Variants in RABIF observed in about 807,000 individuals in gnomAD.
RABIF encodes guanine nucleotide exchange factor MSS4.
In RABIF, 13 loss-of-function variants were observed where a neutral mutation model predicts 12.3. The ratio of observed to expected loss-of-function variants is 1.06; its 90% CI spans 0.69 to 1.68. RABIF has a LOEUF of 1.68. Among genes scored for constraint, RABIF ranks in the 40% most tolerant of loss-of-function variants. RABIF has a pLI of 0.00. For missense variants in RABIF, 153 were observed against 158.0 expected, an observed-to-expected ratio of 0.97 and a Z score of 0.17; for synonymous variants, 70 against 63.3, an observed-to-expected ratio of 1.11 and a Z score of -0.50.
rs1025244061 is a variant in RABIF at position 202,878,525 on chromosome 1, T to C, written c.*2453A>G. Among the ~76,000 whole-genome samples the C allele has an allele frequency of 1.3e-5, 2 of 152,224 alleles. No homozygotes were observed. Among genetic ancestry groups the C allele is most frequent in the Non-Finnish European group, 2.9e-5 (2 of 68,042 alleles). On this transcript the variant is annotated 3_prime_UTR_variant, in exon 2 of 2. Coordinates refer to ENST00000367262, the MANE Select transcript of RABIF (RefSeq NM_002871.5). ...GTAGTCCAAAGGACCTATCCACCATTATCAGAAGCAGAAGTCCTCATAGTT... is the reference window on the plus strand; with the variant it reads ...GTAGTCCAAAGGACCTATCCACCATCATCAGAAGCAGAAGTCCTCATAGTT...
At chr1:202,882,249 T>C (rs1291781496) in intron 1 of RABIF, among the ~76,000 whole-genome samples, 1 of 152,140 alleles carries the variant, frequency 6.6e-6, no homozygotes, top group Non-Finnish European at 1.5e-5. Flanking sequence ...GCTGTGGTAG[T>C]GCACACCTGT....
chr1:202,880,704 A>C lies in RABIF; in HGVS notation c.*274T>G. On this transcript the variant is annotated 3_prime_UTR_variant, in exon 2 of 2. Transcript: ENST00000367262. ...CAGAGCCTAGGGAGAATGCCAGGGA[A>C]GAGATGAGATTTTTGGAGGTAAGCA... 4 of 1,165,320 alleles carry C rather than the reference A, an allele frequency of 3.4e-6. No homozygotes were observed. Among genetic ancestry groups the C allele is most frequent in the Admixed American group, 4.0e-5 (1 of 25,274 alleles). The allele number at this position is 1,165,320 out of a possible 1,614,324, so 72.2% of individuals were successfully genotyped here.
chr1:202,882,224 C>T (rs2102395853), intron 1 of RABIF, among the ~76,000 whole-genome samples: 1 of 152,076 alleles, frequency 6.6e-6, no homozygotes, highest in South Asian at 2.1e-4. Flanking sequence ...CTACAAAAAA[C>T]ACAAAAATTA....
At chr1:202,884,529 T>C (rs574092186) in intron 1 of RABIF, among the ~76,000 whole-genome samples, 10 of 152,250 alleles carry the variant, frequency 6.6e-5, no homozygotes, top group African/African-American at 2.2e-4. Flanking sequence ...CCACTTCTCA[T>C]GGGACACTTG....
rs1659450168 is a variant in RABIF, at chr1:202,879,002, AGGCAGAATAGCAACCT to A, written c.*1960_*1975del. On this transcript the variant is annotated 3_prime_UTR_variant, in exon 2 of 2. Transcript: ENST00000367262. ...TTATTTCTTTCAGATCAAACTGAAAAGGCAGAATAGCAACCTGATATTTTTGGCTACTAGGGCAACA... is the reference window on the plus strand; with the variant it reads ...TTATTTCTTTCAGATCAAACTGAAAAGATATTTTTGGCTACTAGGGCAACA... 6.6e-6 allele frequency: 1 copy of A among 152,214 alleles called. No homozygotes were observed. The highest frequency in any genetic ancestry group is 1.5e-5 in the Non-Finnish European group (1 of 68,032). 9.4% of individuals were successfully genotyped at this position (152,214 alleles called of 1,614,324 possible). A position where few individuals can be genotyped will look rare whatever the true frequency, so the allele number is the denominator to read the frequency against.
chr1:202,880,313 T>G lies in RABIF; in HGVS notation c.*665A>C, dbSNP rs1388619161. 6.6e-6 allele frequency: 1 copy of G among 152,514 alleles called. No individual in the cohort carries two copies. Among genetic ancestry groups the G allele is most frequent in the Non-Finnish European group, 1.5e-5 (1 of 68,024 alleles). 9.4% of individuals were successfully genotyped at this position (152,514 alleles called of 1,614,324 possible). On this transcript the variant is annotated 3_prime_UTR_variant, in exon 2 of 2. Coordinates refer to ENST00000367262, the MANE Select transcript of RABIF (RefSeq NM_002871.5). ...AGGCTGTAGCAGTGAGGAGCTAATA[T>G]AAAAAGAAACTACAAGATTTCAAGG...
intron 1 of RABIF, among the ~76,000 whole-genome samples, chr1:202,885,317 C>A (rs1051965061): frequency 6.6e-6 from 1 of 152,128 alleles, no homozygotes; most frequent in African/African-American, 2.4e-5. Context: ...ACTCCTAGGC[C>A]CTGGATCACC....
intron 1 of RABIF, among the ~76,000 whole-genome samples, chr1:202,881,616 C>G (rs1659493123): frequency 6.6e-6 from 1 of 152,172 alleles, no homozygotes; most frequent in African/African-American, 2.4e-5. Flanking sequence ...ACCGTGTTAG[C>G]CAGGATGGTC....
At chr1:202,886,745 C>CTTT (rs71142572) in intron 1 of RABIF, among the ~76,000 whole-genome samples, 15 of 147,560 alleles carry the variant, frequency 1.0e-4, no homozygotes, top group Non-Finnish European at 1.5e-4. Context: ...TTTCTTTTTT[C>CTTT]TTTTTTTTTT....
intron 1 of RABIF, 130 bp downstream of exon 1, chr1:202,888,843 G>A (rs899408314): frequency 7.8e-7 from 1 of 1,280,510 alleles, no homozygotes; most frequent in Non-Finnish European, 1.0e-6. Context: ...TGAGGCCCGA[G>A]GGGCGGGGCT....
At position 202,889,047 on chromosome 1, in the gene RABIF, G is replaced by T. The variant is rs375439968; in HGVS notation, c.52C>A (p.Arg18=). ...SELVSAEGRN[R]KAVLCQRCGS... ...CAACGCTGGCACAGCACCGCCTTCC[G>T]GTTTCGGCCCTCGGCTGACACTAAC... The change falls in exon 1 of 2, where the codon CGG becomes AGG. Residue 18 remains arginine, a synonymous_variant. Coordinates refer to ENST00000367262, the MANE Select transcript of RABIF (RefSeq NM_002871.5). The T allele has an allele frequency of 2.4e-4, 381 of 1,610,796 alleles. 1 individual carries two copies. The highest frequency in any genetic ancestry group is 3.1e-4 in the Non-Finnish European group (367 of 1,178,922).
rs1659477884 is a variant in RABIF at position 202,880,859 on chromosome 1, C to T, written c.*119G>A. On this transcript the variant is annotated 3_prime_UTR_variant, in exon 2 of 2. Coordinates refer to ENST00000367262, the MANE Select transcript of RABIF (RefSeq NM_002871.5). ...GCATGTTCAAATGGACATGCTGGTACTCAGTATTTATATTAGCACAGACAA... is the reference window on the plus strand; with the variant it reads ...GCATGTTCAAATGGACATGCTGGTATTCAGTATTTATATTAGCACAGACAA... 1 of 1,513,678 alleles carries T rather than the reference C, an allele frequency of 6.6e-7. No individual in the cohort carries two copies. Among genetic ancestry groups the T allele is most frequent in the East Asian group, 2.3e-5 (1 of 44,034 alleles). 93.8% of individuals were successfully genotyped at this position (1,513,678 alleles called of 1,614,324 possible). A position where few individuals can be genotyped will look rare whatever the true frequency, so the allele number is the denominator to read the frequency against.
At position 202,889,030 on chromosome 1, in the gene RABIF, G is replaced by A. The variant is rs201309128; in HGVS notation, c.69C>T (p.Cys23=). ...AEGRNRKAVL[C]QRCGSRVLQP... ...GCAGCACCCGGGAGCCGCAACGCTG[G>A]CACAGCACCGCCTTCCGGTTTCGGC... Residue 23 remains cysteine (C), a synonymous_variant, in exon 1 of 2, where the codon TGC becomes TGT. Coordinates refer to ENST00000367262, the MANE Select transcript of RABIF (RefSeq NM_002871.5). 657 of 1,608,206 alleles carry A rather than the reference G, an allele frequency of 4.1e-4. 7 individuals carry two copies. In the South Asian group the frequency reaches 6.9e-3, roughly 17 times the overall value.
At position 202,889,108 on chromosome 1, in the gene RABIF, CGCCACAGGCTCCTCA is replaced by C. The variant is rs1659612953; in HGVS notation, c.-25_-11del. Reference sequence around the variant, plus strand: ...GCTCCGCTGGTTCCATCGCCGCTGCCGCCACAGGCTCCTCAGCCACGGCTGCGCAGACGCTGTCTC... The same window carrying C: ...GCTCCGCTGGTTCCATCGCCGCTGCCGCCACGGCTGCGCAGACGCTGTCTC... On this transcript the variant is annotated 5_prime_UTR_variant, in exon 1 of 2. Transcript: ENST00000367262. 10 of 1,600,562 alleles carry C rather than the reference CGCCACAGGCTCCTCA, an allele frequency of 6.2e-6. No individual in the cohort carries two copies. The highest frequency in any genetic ancestry group is 8.5e-6 in the Non-Finnish European group (10 of 1,173,560).
At chr1:202,882,206 C>T (rs779976386) in intron 1 of RABIF, among the ~76,000 whole-genome samples, 2 of 151,972 alleles carry the variant, frequency 1.3e-5, no homozygotes, top group African/African-American at 2.4e-5. Flanking sequence ...ATAGTGAGAC[C>T]CCCATCTCTA....
rs1321105880 is a variant in RABIF, at chr1:202,888,942, G to T, written c.126+31C>A. ...CGGCGGCTCGTCGGGGGAGACTGTG[G>T]GTGTAAACGGCCTCCAACCTGCCTC... On this transcript the variant is annotated intron_variant, in intron 1 of 1. Transcript: ENST00000367262. 2.6e-6 allele frequency: 4 copies of T among 1,514,356 alleles called. 1 individual carries two copies. In the South Asian group the frequency reaches 5.0e-5, roughly 19 times the overall value. 93.8% of individuals were successfully genotyped at this position (1,514,356 alleles called of 1,614,324 possible). A position where few individuals can be genotyped will look rare whatever the true frequency, so the allele number is the denominator to read the frequency against.
Position 202,880,587 on chromosome 1 carries a change from GTACATA to G in RABIF, c.*385_*390del. 1.6e-6 allele frequency: 1 copy of G among 628,738 alleles called. No individual in the cohort carries two copies. The highest frequency in any genetic ancestry group is 2.0e-6 in the Non-Finnish European group (1 of 500,518). 38.9% of individuals were successfully genotyped at this position (628,738 alleles called of 1,614,324 possible). On this transcript the variant is annotated 3_prime_UTR_variant, in exon 2 of 2. Coordinates refer to ENST00000367262, the MANE Select transcript of RABIF (RefSeq NM_002871.5). Reference sequence around the variant, plus strand: ...AGAAAAAGGCAGATTTCAACTATTAGTACATAAGCATCTTTTGTTATGTGTCATCAT... The same window carrying G: ...AGAAAAAGGCAGATTTCAACTATTAGAGCATCTTTTGTTATGTGTCATCAT...
At chr1:202,888,828 C>A in intron 1 of RABIF, 145 bp downstream of exon 1, 2 of 1,177,758 alleles carry the variant, frequency 1.7e-6, no homozygotes, top group Non-Finnish European at 2.3e-6. Context: ...GGAGCCTCGC[C>A]GAGCTGAGGC....
chr1:202,884,902 T>C (rs1188875454), intron 1 of RABIF, among the ~76,000 whole-genome samples: 7 of 151,822 alleles, frequency 4.6e-5, no homozygotes, highest in African/African-American at 1.5e-4. Flanking sequence ...CTGGCCAACA[T>C]GGCGAAACCC....
Sources: gnomAD v4.1 joint callset for allele counts (sites outside exome capture counted in the v4.1 genomes callset) on GRCh38, gnomAD v4.1.1 for gene constraint, MANE v1.5 for transcripts, NCBI Gene and HGNC (gene_info 2026-07-23, HGNC 2026-07-21) for gene names.